Variants in EPHB2 observed in about 807,000 individuals in gnomAD.
EPHB2 encodes EPH receptor B2, also known as ephrin type-B receptor 2.
In EPHB2, 18 loss-of-function variants were observed where a neutral mutation model predicts 96.4. That is an observed-to-expected ratio of 0.19 (90% CI 0.13 to 0.28). The LOEUF is 0.28. Among genes scored for constraint, EPHB2 ranks in the 10% least tolerant of loss-of-function variants. The probability of loss-of-function intolerance (pLI) is 1.00; values close to 1 mark genes in which losing one functional copy is unlikely to be tolerated. For synonymous variants in EPHB2, 506 were observed against 534.1 expected (o/e 0.95, Z 0.72); for missense variants, 989 against 1,355.4 (o/e 0.73, Z 4.25).
rs958411250 is a variant in EPHB2 at position 22,875,222 on chromosome 1, G to T, written c.1304-7137G>T. ...GTCAGGTCATCCAGAATTGCAGCCA[G>T]ATCATCGGGGGTTAACTGCGTTGCT... is the stretch of plus-strand genomic sequence containing the variant. On this transcript the variant is annotated intron_variant, in intron 5 of 15. Coordinates refer to ENST00000374630, the MANE Select transcript of EPHB2 (RefSeq NM_017449.5). The surrounding 1 kb of genome is among the most constrained non-coding windows in gnomAD (Gnocchi z 4.2). Among the ~76,000 whole-genome samples the T allele has an allele frequency of 1.3e-5, 2 of 152,206 alleles. No homozygotes were observed. The highest frequency in any genetic ancestry group is 6.5e-5 in the Admixed American group (1 of 15,278).
intron 6 of EPHB2, among the ~76,000 whole-genome samples, chr1:22,890,559 A>T (rs1276633124): frequency 1.3e-5 from 2 of 152,002 alleles, no homozygotes; most frequent in Non-Finnish European, 2.9e-5. Flanking sequence ...TTGTTCTTTG[A>T]GATCCCATTC....
intron 1 of EPHB2, among the ~76,000 whole-genome samples, chr1:22,773,614 C>G (rs1644408177): frequency 1.3e-5 from 2 of 152,322 alleles, no homozygotes; most frequent in African/African-American, 2.4e-5. Flanking sequence ...TTTCCTCTGC[C>G]AAGACCACTC....
At chr1:22,902,877 C>A (rs2124080122) in intron 9 of EPHB2, among the ~76,000 whole-genome samples, 1 of 152,332 alleles carries the variant, frequency 6.6e-6, no homozygotes, top group South Asian at 2.1e-4. Context: ...CAGGTCTCCA[C>A]TGGAGCAATC....
rs151331339 is a variant in EPHB2, at chr1:22,788,898, G to A, written c.811+3822G>A. On this transcript the variant is annotated intron_variant, in intron 3 of 15. Transcript: ENST00000374630. ...GCCTCCTGAGTAGCTGGGATTACAG[G>A]CGTGCACCATCATGCCCAGCTAATT... is the stretch of plus-strand genomic sequence containing the variant. Among the ~76,000 whole-genome samples, 610 of 152,118 alleles carry A rather than the reference G, an allele frequency of 4.0e-3. 2 individuals are homozygous for A. The highest frequency in any genetic ancestry group is 0.014 in the African/African-American group (589 of 41,464).
At chr1:22,802,542 A>ACC (rs1407221411) in intron 3 of EPHB2, among the ~76,000 whole-genome samples, 1 of 151,954 alleles carries the variant, frequency 6.6e-6, no homozygotes, top group African/African-American at 2.4e-5. Context: ...CATGAAAGTT[A>ACC]CCCTTCTGGT....
chr1:22,859,665 C>T (rs372867303), intron 3 of EPHB2, among the ~76,000 whole-genome samples: 6 of 151,690 alleles, frequency 4.0e-5, no homozygotes, highest in Admixed American at 1.3e-4. Context: ...TGGTGGCACG[C>T]GCCTGTAGTC....
chr1:22,790,168 G>T lies in EPHB2; in HGVS notation c.811+5092G>T, dbSNP rs950875279. Among the ~76,000 whole-genome samples the T allele has an allele frequency of 6.6e-6, 1 of 152,172 alleles. No homozygotes were observed. The highest frequency in any genetic ancestry group is 2.4e-5 in the African/African-American group (1 of 41,446). On this transcript the variant is annotated intron_variant, in intron 3 of 15. Coordinates refer to ENST00000374630, the MANE Select transcript of EPHB2 (RefSeq NM_017449.5). The surrounding 1 kb of genome is among the most constrained non-coding windows in gnomAD (Gnocchi z 4.0). ...GGTGAAGGTAGGGAGGAAGGGAATT[G>T]TAGGCAGAGAGAACTATACGAATAA... is the stretch of plus-strand genomic sequence containing the variant.
intron 3 of EPHB2, among the ~76,000 whole-genome samples, chr1:22,807,486 G>C (rs1229593404): frequency 6.6e-6 from 1 of 152,178 alleles, no homozygotes; most frequent in Non-Finnish European, 1.5e-5. Flanking sequence ...ATACTGGTTG[G>C]ATCTACGCAT....
chr1:22,711,205 C>G (rs1340335318), intron 1 of EPHB2, among the ~76,000 whole-genome samples, 162 bp downstream of exon 1: 1 of 146,406 alleles, frequency 6.8e-6, no homozygotes, highest in Non-Finnish European at 1.5e-5. Context: ...CCGGGAGGAG[C>G]GGGCCCCGCG....
chr1:22,777,752 G>A (rs532559051), intron 1 of EPHB2, among the ~76,000 whole-genome samples: 2 of 152,290 alleles, frequency 1.3e-5, no homozygotes, highest in South Asian at 4.1e-4. Context: ...AGGCCAGGCA[G>A]ACTAAGTTGG....
chr1:22,784,362 C>G lies in EPHB2; in HGVS notation c.127-30C>G. ...GTGTGTGCTGGGGCTGAGCCCTTAC[C>G]TCCCCACCTGACGAGCATTTTACCC... On this transcript the variant is annotated intron_variant, in intron 2 of 15. Transcript: ENST00000374630. This position sits in a 1 kb window ranked among gnomAD's most constrained non-coding sequence, Gnocchi z 5.1. 1.2e-6 allele frequency: 2 copies of G among 1,611,070 alleles called. No individual in the cohort carries two copies. Among genetic ancestry groups the G allele is most frequent in the East Asian group, 2.2e-5 (1 of 44,878 alleles).
chr1:22,805,726 G>T (rs1316686377), intron 3 of EPHB2, among the ~76,000 whole-genome samples: 1 of 152,220 alleles, frequency 6.6e-6, no homozygotes. Context: ...ATGTACATGT[G>T]TGTATGAGAG....
chr1:22,884,071 C>G (rs1423946350), intron 6 of EPHB2, among the ~76,000 whole-genome samples: 5 of 152,104 alleles, frequency 3.3e-5, no homozygotes, highest in Admixed American at 3.3e-4. Context: ...ACCTCCGCCA[C>G]AAGTGAACAT....
At chr1:22,778,029 T>TTGGTTTTGTC (rs1012591630) in intron 1 of EPHB2, among the ~76,000 whole-genome samples, 12 of 152,262 alleles carry the variant, frequency 7.9e-5, no homozygotes, top group Admixed American at 7.2e-4. Context: ...TTTGTTTTGT[T>TTGGTTTTGTC]TTGTTTTGTC....
chr1:22,913,793 AG>A lies in EPHB2; in HGVS notation c.*228del. The A allele has an allele frequency of 6.2e-7, 1 of 1,605,248 alleles. No individual in the cohort carries two copies. Among genetic ancestry groups the A allele is most frequent in the South Asian group, 1.1e-5 (1 of 89,996 alleles). ...GGGAAAAAAGAAAACAGATCCTGGG[AG>A]GGGGCGGGAAATACAAGGAATATTT... On this transcript the variant is annotated 3_prime_UTR_variant, in exon 16 of 16. Transcript: ENST00000374630. The surrounding 1 kb of genome is among the most constrained non-coding windows in gnomAD (Gnocchi z 4.1).
At chr1:22,712,628 G>A (rs945383939) in intron 1 of EPHB2, among the ~76,000 whole-genome samples, 4 of 152,228 alleles carry the variant, frequency 2.6e-5, no homozygotes, top group Admixed American at 6.5e-5. Context: ...CACTGAGGCA[G>A]CTGTCCTTCG....
intron 9 of EPHB2, among the ~76,000 whole-genome samples, chr1:22,902,329 C>G (rs1033471794): frequency 1.3e-5 from 2 of 152,172 alleles, no homozygotes; most frequent in Non-Finnish European, 2.9e-5. Flanking sequence ...TAGAACAAGG[C>G]CTGGCACCCA....
Position 22,916,550 on chromosome 1 carries a change from T to C in EPHB2, c.*2980T>C, listed in dbSNP as rs1478606827. The C allele has an allele frequency of 1.2e-5, 1 of 82,830 alleles. No homozygotes were observed. Among genetic ancestry groups the C allele is most frequent in the East Asian group, 5.3e-4 (1 of 1,884 alleles). The allele number at this position is 82,830 out of a possible 1,614,324, so 5.1% of individuals were successfully genotyped here. On this transcript the variant is annotated 3_prime_UTR_variant, in exon 16 of 16. Coordinates refer to ENST00000374630, the MANE Select transcript of EPHB2 (RefSeq NM_017449.5). This position sits in a 1 kb window ranked among gnomAD's most constrained non-coding sequence, Gnocchi z 4.2. ...GGGGCAGTCGCCCCGCCCCAACCTCTTGCTTGCTGCTCAGCGGGGAGTGGC... is the reference window on the plus strand; with the variant it reads ...GGGGCAGTCGCCCCGCCCCAACCTCCTGCTTGCTGCTCAGCGGGGAGTGGC...
Position 22,906,945 on chromosome 1 carries a change from C to G in EPHB2, c.2124C>G (p.Asp708Glu). Residue 708 changes from aspartate to glutamate, a missense_variant, in exon 11 of 16, where the codon GAC (aspartate) becomes GAG (glutamate). Transcript: ENST00000374630. This position sits in a 1 kb window ranked among gnomAD's most constrained non-coding sequence, Gnocchi z 4.8. ...ITEFMENGSL[D>E]SFLRQNDGQF... is the part of the protein sequence containing the mutation. The stretch of plus-strand genomic sequence containing the variant: ...AGTTCATGGAGAATGGCTCCCTGGA[C>G]TCCTTTCTCCGGGTAGGGGAAGCCA... 1.2e-6 allele frequency: 2 copies of G among 1,609,602 alleles called. No homozygotes were observed. Among genetic ancestry groups the G allele is most frequent in the Non-Finnish European group, 1.7e-6 (2 of 1,176,644 alleles).
Sources: gnomAD v4.1 joint callset for allele counts (sites outside exome capture counted in the v4.1 genomes callset) on GRCh38, gnomAD v4.1.1 for gene constraint, Gnocchi (gnomAD v3.1) non-coding constraint, MANE v1.5 for transcripts, NCBI Gene and HGNC (gene_info 2026-07-23, HGNC 2026-07-21) for gene names.